SNTG1: variants seen among roughly 807,000 people sequenced by gnomAD.
SNTG1 encodes syntrophin gamma 1, also known as gamma-1-syntrophin.
A neutral mutation model predicts 74.7 loss-of-function variants in SNTG1; 39 were observed. That is an observed-to-expected ratio of 0.52 (90% CI 0.40 to 0.68). The LOEUF is 0.68. SNTG1 is among the 30% of genes least tolerant of loss of function. SNTG1 has a pLI of 0.00. For synonymous variants in SNTG1, 254 were observed against 217.1 expected, an observed-to-expected ratio of 1.17 and a Z score of -1.49; for missense variants, 685 against 609.5, an observed-to-expected ratio of 1.12 and a Z score of -1.30.
chr8:50,744,740 C>G (rs1278627818), intron 17 of SNTG1, among the ~76,000 whole-genome samples: 1 of 151,872 alleles, frequency 6.6e-6, no homozygotes. Flanking sequence ...ACAGAATGAA[C>G]CTCATATGTA....
At chr8:50,611,179 A>G (rs763180882) in intron 13 of SNTG1, among the ~76,000 whole-genome samples, 1 of 152,188 alleles carries the variant, frequency 6.6e-6, no homozygotes, top group Non-Finnish European at 1.5e-5. Flanking sequence ...GAGGAGATGT[A>G]TCCTTTGGCA....
intron 1 of SNTG1, among the ~76,000 whole-genome samples, chr8:49,948,706 T>C (rs1164462086): frequency 6.6e-6 from 1 of 152,192 alleles, no homozygotes; most frequent in African/African-American, 2.4e-5. Flanking sequence ...TACAGTGTTC[T>C]TGGCTCATTC....
At chr8:50,456,071 A>G (rs1329049406) in intron 8 of SNTG1, among the ~76,000 whole-genome samples, 1 of 152,226 alleles carries the variant, frequency 6.6e-6, no homozygotes, top group Non-Finnish European at 1.5e-5. Context: ...CTGCTTTTGA[A>G]AAGAAATAAA....
At position 50,160,179 on chromosome 8, in the gene SNTG1, T is replaced by C. The variant is rs145780912; in HGVS notation, c.-102-12382T>C. ...GTCTCATCTTCTGAGAAAAATTTACTAATCTTTAGGGTTGGAAGAACTATT... is the reference window on the plus strand; with the variant it reads ...GTCTCATCTTCTGAGAAAAATTTACCAATCTTTAGGGTTGGAAGAACTATT... On this transcript the variant is annotated intron_variant, in intron 1 of 18. Coordinates refer to ENST00000642720, the MANE Select transcript of SNTG1 (RefSeq NM_018967.5). Among the ~76,000 whole-genome samples, 48 of 152,324 alleles carry C rather than the reference T, an allele frequency of 3.2e-4. No homozygotes were observed. The East Asian group carries it at 9.3e-3, about 29-fold the overall frequency.
At chr8:50,081,429 G>T (rs1045698574) in intron 1 of SNTG1, among the ~76,000 whole-genome samples, 1 of 152,012 alleles carries the variant, frequency 6.6e-6, no homozygotes, top group Admixed American at 6.6e-5. Flanking sequence ...CATTTATCAG[G>T]TCTCTTAAAT....
rs562872385 is a variant in SNTG1 at position 50,363,685 on chromosome 8, A to G, written c.-27-30527A>G. Among the ~76,000 whole-genome samples the G allele has an allele frequency of 4.0e-4, 61 of 152,192 alleles. 2 individuals carry two copies. The South Asian group carries it at 0.012, about 31-fold the overall frequency. Reference sequence around the variant, plus strand: ...GAATACAAACACTTTTTTTTCTGTAAGAGGACTTGCAAGTTATATGCTATT... The same window carrying G: ...GAATACAAACACTTTTTTTTCTGTAGGAGGACTTGCAAGTTATATGCTATT... On this transcript the variant is annotated intron_variant, in intron 2 of 18. Coordinates refer to ENST00000642720, the MANE Select transcript of SNTG1 (RefSeq NM_018967.5).
rs537081595 is a variant in SNTG1 at position 50,118,594 on chromosome 8, C to T, written c.-102-53967C>T. Reference sequence around the variant, plus strand: ...CAAGCCAATCATGTGAGGAGTTCACCGAAAGGCTCAGCTCTTCTCTCCATT... The same window carrying T: ...CAAGCCAATCATGTGAGGAGTTCACTGAAAGGCTCAGCTCTTCTCTCCATT... On this transcript the variant is annotated intron_variant, in intron 1 of 18. Coordinates refer to ENST00000642720, the MANE Select transcript of SNTG1 (RefSeq NM_018967.5). Among the ~76,000 whole-genome samples the T allele has an allele frequency of 8.2e-5, 8 of 97,566 alleles. 1 individual carries two copies. The highest frequency in any genetic ancestry group is 2.6e-4 in the East Asian group (1 of 3,832). 64.0% of individuals were successfully genotyped at this position (97,566 alleles called of 152,430 possible).
At chr8:50,173,859 T>C (rs1295395533) in intron 2 of SNTG1, among the ~76,000 whole-genome samples, 2 of 152,244 alleles carry the variant, frequency 1.3e-5, no homozygotes, top group East Asian at 1.9e-4. Flanking sequence ...CTGGGATACA[T>C]GTGCAGAACA....
intron 9 of SNTG1, among the ~76,000 whole-genome samples, chr8:50,525,833 T>C (rs1251094504): frequency 8.5e-6 from 1 of 117,520 alleles, no homozygotes; most frequent in African/African-American, 6.3e-5. Context: ...TTAAAGATAA[T>C]TTACAGACCT....
intron 1 of SNTG1, among the ~76,000 whole-genome samples, chr8:50,059,424 C>T (rs181101478): frequency 9.2e-5 from 14 of 152,114 alleles, no homozygotes; most frequent in Middle Eastern, 6.8e-3. Context: ...GGTGTACACC[C>T]ATCAACATAA....
chr8:50,425,021 GT>G (rs763655450), intron 4 of SNTG1, among the ~76,000 whole-genome samples: 2 of 152,024 alleles, frequency 1.3e-5, no homozygotes, highest in Non-Finnish European at 2.9e-5. Flanking sequence ...GAAATCAATA[GT>G]TTTTTTCCAT....
chr8:50,132,429 A>G (rs73573579), intron 1 of SNTG1, among the ~76,000 whole-genome samples: 8,258 of 152,196 alleles, frequency 0.054, 739 homozygotes, highest in African/African-American at 0.19. Flanking sequence ...CTGTGAAAAC[A>G]CCAAACAAGT....
At chr8:50,601,038 G>T (rs1208534751) in intron 13 of SNTG1, among the ~76,000 whole-genome samples, 3 of 151,092 alleles carry the variant, frequency 2.0e-5, no homozygotes, top group Non-Finnish European at 4.4e-5. Flanking sequence ...GGGCATGGTG[G>T]CATGCACCTG....
At chr8:50,240,123 C>A (rs2086102079) in intron 2 of SNTG1, among the ~76,000 whole-genome samples, 1 of 152,128 alleles carries the variant, frequency 6.6e-6, no homozygotes, top group Non-Finnish European at 1.5e-5. Context: ...GCAGAGAGAG[C>A]TCATTAATAT....
intron 15 of SNTG1, among the ~76,000 whole-genome samples, chr8:50,692,105 T>C (rs976794850): frequency 1.1e-4 from 17 of 152,124 alleles, no homozygotes; most frequent in African/African-American, 4.1e-4. Flanking sequence ...TCCATCAGGT[T>C]CTTTAAGGAC....
chr8:50,779,385 G>C (rs2095651410), intron 18 of SNTG1, among the ~76,000 whole-genome samples: 1 of 152,122 alleles, frequency 6.6e-6, no homozygotes, highest in Admixed American at 6.5e-5. Context: ...TCATCGAGCA[G>C]TGGTTTGTAG....
intron 15 of SNTG1, among the ~76,000 whole-genome samples, chr8:50,693,605 A>G (rs1675825037): frequency 6.6e-6 from 1 of 152,176 alleles, no homozygotes; most frequent in Admixed American, 6.5e-5. Flanking sequence ...AATGCGTTAG[A>G]CCAAATGAAC....
intron 2 of SNTG1, among the ~76,000 whole-genome samples, chr8:50,284,195 T>G (rs1219362892): frequency 6.6e-6 from 1 of 152,150 alleles, no homozygotes; most frequent in African/African-American, 2.4e-5. Context: ...GTTTTTCTTA[T>G]GAATAGATAA....
chr8:50,064,960 A>C (rs929955458), intron 1 of SNTG1, among the ~76,000 whole-genome samples: 2 of 152,184 alleles, frequency 1.3e-5, no homozygotes, highest in African/African-American at 4.8e-5. Flanking sequence ...GCATGTTAAA[A>C]TATGGATTCC....
Sources: allele counts gnomAD v4.1 joint callset (sites outside exome capture counted in the v4.1 genomes callset), GRCh38; gene constraint gnomAD v4.1.1; transcripts MANE v1.5; gene names NCBI Gene and HGNC (gene_info 2026-07-23, HGNC 2026-07-21).